The following VWC2 variants were observed in gnomAD, a reference collection of about 807,000 sequenced individuals.
The protein encoded by VWC2 is brorin.
A neutral mutation model predicts 29.8 loss-of-function variants in VWC2; 14 were observed. The ratio of observed to expected loss-of-function variants is 0.47; its 90% CI spans 0.31 to 0.74. The LOEUF (loss-of-function observed/expected upper bound fraction) is 0.74, where lower values mean the gene tolerates loss of function less well. VWC2 is among the 30% of genes least tolerant of loss of function. The probability of loss-of-function intolerance (pLI) is 0.05; values close to 1 mark genes in which losing one functional copy is unlikely to be tolerated. For missense variants in VWC2, 457 were observed against 459.8 expected (o/e 0.99, Z 0.05); for synonymous variants, 213 against 199.0 (o/e 1.07, Z -0.59).
intron 3 of VWC2, among the ~76,000 whole-genome samples, chr7:49,884,824 A>G (rs1235371994): frequency 6.6e-6 from 1 of 152,160 alleles, no homozygotes; most frequent in Non-Finnish European, 1.5e-5. Flanking sequence ...AAGTCCAAAA[A>G]TGATATAGAC....
chr7:49,885,472 T>G, intron 3 of VWC2, among the ~76,000 whole-genome samples: 1 of 151,656 alleles, frequency 6.6e-6, no homozygotes. Context: ...GATAGCAGAT[T>G]AACTTCATCA....
chr7:49,814,930 C>T (rs1789101483), intron 3 of VWC2, among the ~76,000 whole-genome samples: 1 of 152,192 alleles, frequency 6.6e-6, no homozygotes, highest in African/African-American at 2.4e-5. Flanking sequence ...TGATTTCACT[C>T]GTGGCTATTC....
At chr7:49,840,516 A>G (rs955732549) in intron 3 of VWC2, among the ~76,000 whole-genome samples, 7 of 152,098 alleles carry the variant, frequency 4.6e-5, no homozygotes, top group African/African-American at 1.7e-4. Flanking sequence ...GCTGTGTAAT[A>G]ATGTTTAGCG....
At chr7:49,820,608 A>G (rs1168942771) in intron 3 of VWC2, among the ~76,000 whole-genome samples, 1 of 152,240 alleles carries the variant, frequency 6.6e-6, no homozygotes, top group African/African-American at 2.4e-5. Context: ...ATTTTGTTCA[A>G]AAATTCTAAT....
rs552309233 is a variant in VWC2 at position 49,858,449 on chromosome 7, G to A, written c.827-53585G>A. On this transcript the variant is annotated intron_variant, in intron 3 of 3. Coordinates refer to ENST00000340652, the MANE Select transcript of VWC2 (RefSeq NM_198570.5). ...AAACGATCATTCTCAGCAAACTATC[G>A]CAAGGACAAAAAACCAAACACCGCA... is the stretch of plus-strand genomic sequence containing the variant. 1.6e-3 allele frequency among the ~76,000 whole-genome samples: 235 copies of A among 151,288 alleles called. 3 individuals are homozygous for A. The highest frequency in any genetic ancestry group is 5.4e-3 in the African/African-American group (224 of 41,174).
chr7:49,813,217 G>C (rs989222766), intron 3 of VWC2, among the ~76,000 whole-genome samples: 1 of 152,236 alleles, frequency 6.6e-6, no homozygotes, highest in Non-Finnish European at 1.5e-5. Context: ...GAAAGCCAGT[G>C]CCTGCCTCCT....
chr7:49,779,519 T>C (rs148812061), intron 2 of VWC2, among the ~76,000 whole-genome samples: 80 of 152,260 alleles, frequency 5.3e-4, no homozygotes, highest in African/African-American at 1.8e-3. Flanking sequence ...ATACCAAGTG[T>C]CTTTTTTTCT....
intron 3 of VWC2, among the ~76,000 whole-genome samples, chr7:49,839,881 T>C (rs935465107): frequency 2.6e-5 from 4 of 152,242 alleles, no homozygotes; most frequent in African/African-American, 9.6e-5. Flanking sequence ...AAAGAAGATC[T>C]GGTGGTTCCA....
At position 49,915,181 on chromosome 7, in the gene VWC2, G is replaced by T. The variant is rs1793650556; in HGVS notation, c.*2996G>T. On this transcript the variant is annotated 3_prime_UTR_variant, in exon 4 of 4. Transcript: ENST00000340652. ...TATTGACATTTCCCAGAAGTCTTGAGAAAAGTCATTTCAAAAACTTGTATT... is the reference window on the plus strand; with the variant it reads ...TATTGACATTTCCCAGAAGTCTTGATAAAAGTCATTTCAAAAACTTGTATT... The T allele has an allele frequency of 6.6e-6, 1 of 152,094 alleles. No individual in the cohort carries two copies. 9.4% of individuals were successfully genotyped at this position (152,094 alleles called of 1,614,324 possible).
intron 2 of VWC2, among the ~76,000 whole-genome samples, chr7:49,785,522 C>T (rs867868072): frequency 1.3e-5 from 2 of 152,312 alleles, no homozygotes; most frequent in Non-Finnish European, 1.5e-5. Flanking sequence ...TCTATTTTCT[C>T]ATTCAGGAAA....
intron 3 of VWC2, among the ~76,000 whole-genome samples, chr7:49,857,400 A>C (rs1488684255): frequency 6.6e-6 from 1 of 152,234 alleles, no homozygotes; most frequent in Non-Finnish European, 1.5e-5. Context: ...CAATGTAGGC[A>C]TATAGCACAT....
At chr7:49,803,685 G>A (rs963820063) in intron 3 of VWC2, among the ~76,000 whole-genome samples, 1 of 152,156 alleles carries the variant, frequency 6.6e-6, no homozygotes, top group African/African-American at 2.4e-5. Context: ...CGTTCATGTG[G>A]GTTGCTGGAC....
At chr7:49,872,630 G>A (rs1294423166) in intron 3 of VWC2, among the ~76,000 whole-genome samples, 2 of 151,632 alleles carry the variant, frequency 1.3e-5, no homozygotes, top group African/African-American at 4.8e-5. Context: ...TTGGGGCTGG[G>A]CGCAGTGGCT....
intron 3 of VWC2, among the ~76,000 whole-genome samples, chr7:49,863,828 C>T (rs1790769122): frequency 6.6e-6 from 1 of 152,136 alleles, no homozygotes; most frequent in South Asian, 2.1e-4. Flanking sequence ...TTTACTCATT[C>T]TTTTAGGTGT....
Position 49,775,626 on chromosome 7 carries a change from G to T in VWC2, c.191G>T (p.Arg64Leu). ...DGPGRVNELG[R>L]PARDEGGSGR... ...CCGGGGCGGGTGAACGAGCTCGGGC[G>T]CCCGGCGAGGGACGAGGGCGGCAGC... The change falls in exon 2 of 4, where the codon CGC (arginine) becomes CTC (leucine). Residue 64 changes from arginine (R) to leucine (L), a missense_variant. Coordinates refer to ENST00000340652, the MANE Select transcript of VWC2 (RefSeq NM_198570.5). The T allele has an allele frequency of 5.9e-6, 9 of 1,529,824 alleles. No individual in the cohort carries two copies. The highest frequency in any genetic ancestry group is 7.9e-6 in the Non-Finnish European group (9 of 1,141,332). The allele number at this position is 1,529,824 out of a possible 1,614,324, so 94.8% of individuals were successfully genotyped here.
intron 3 of VWC2, among the ~76,000 whole-genome samples, chr7:49,844,849 C>T (rs572042907): frequency 6.6e-6 from 1 of 152,104 alleles, no homozygotes; most frequent in Non-Finnish European, 1.5e-5. Flanking sequence ...CCCGCCACTA[C>T]GTCCAACTAA....
In VWC2 at chr7:49,919,514, C is replaced by T. The variant is rs1255124469; in HGVS notation, c.*7329C>T. The stretch of plus-strand genomic sequence containing the variant: ...ATAAAAAACTAAGTGCCTGCTTGGG[C>T]TAGTTATACTCTGCAGTATACCCTG... On this transcript the variant is annotated 3_prime_UTR_variant, in exon 4 of 4. Transcript: ENST00000340652. The T allele has an allele frequency of 6.6e-6, 1 of 151,998 alleles. No individual in the cohort carries two copies. Among genetic ancestry groups the T allele is most frequent in the Admixed American group, 6.6e-5 (1 of 15,260 alleles). 9.4% of individuals were successfully genotyped at this position (151,998 alleles called of 1,614,324 possible).
intron 3 of VWC2, among the ~76,000 whole-genome samples, chr7:49,842,931 A>C (rs1407501933): frequency 2.0e-5 from 3 of 152,112 alleles, no homozygotes; most frequent in Non-Finnish European, 2.9e-5. Flanking sequence ...AGAAGAATAC[A>C]TGTGCAGGTT....
intron 3 of VWC2, among the ~76,000 whole-genome samples, chr7:49,856,067 C>G (rs1790405120): frequency 6.6e-6 from 1 of 152,168 alleles, no homozygotes; most frequent in Non-Finnish European, 1.5e-5. Flanking sequence ...GGCTGATGTT[C>G]CCTTCTGTCC....
Sources: gnomAD v4.1 joint callset for allele counts (sites outside exome capture counted in the v4.1 genomes callset) on GRCh38, gnomAD v4.1.1 for gene constraint, MANE v1.5 for transcripts, NCBI Gene and HGNC (gene_info 2026-07-23, HGNC 2026-07-21) for gene names.